Variants in DAGLA observed in about 807,000 individuals in gnomAD.
DAGLA encodes the protein diacylglycerol lipase-alpha.
Under a neutral mutation model 102.6 loss-of-function variants are expected in DAGLA, and 22 were observed. That is an observed-to-expected ratio of 0.21 (90% CI 0.15 to 0.31). The LOEUF (loss-of-function observed/expected upper bound fraction) is 0.31. Among genes scored for constraint, DAGLA ranks in the 10% least tolerant of loss-of-function variants. The probability of loss-of-function intolerance (pLI) is 1.00; values close to 1 mark genes in which losing one functional copy is unlikely to be tolerated. For missense variants in DAGLA, 927 were observed against 1,446.6 expected, an observed-to-expected ratio of 0.64 and a Z score of 5.83; for synonymous variants, 578 against 628.9, an observed-to-expected ratio of 0.92 and a Z score of 1.21.
intron 8 of DAGLA, among the ~76,000 whole-genome samples, chr11:61,729,914 A>C (rs1002343446): frequency 4.6e-5 from 7 of 151,772 alleles, no homozygotes; most frequent in African/African-American, 1.7e-4. Flanking sequence ...CTCTACAAAA[A>C]AAAAAAAAAT....
Position 61,734,748 on chromosome 11 carries a change from G to A in DAGLA, c.975-101G>A. ...AAGGGCAATTTGGTAGAGGCAGTGG[G>A]GCTGAATGCCCAACTGGAACTGGTT... On this transcript the variant is annotated intron_variant, in intron 9 of 19. Transcript: ENST00000257215. The surrounding 1 kb of genome is among the most constrained non-coding windows in gnomAD (Gnocchi z 4.2). 3.3e-6 allele frequency: 4 copies of A among 1,211,896 alleles called. No homozygotes were observed. The highest frequency in any genetic ancestry group is 3.5e-6 in the Non-Finnish European group (3 of 848,404). 75.1% of individuals were successfully genotyped at this position (1,211,896 alleles called of 1,614,324 possible).
intron 1 of DAGLA, among the ~76,000 whole-genome samples, chr11:61,694,560 G>T (rs2065048741): frequency 6.6e-6 from 1 of 152,206 alleles, no homozygotes; most frequent in African/African-American, 2.4e-5. Flanking sequence ...CTGCCTGTCA[G>T]TTGTCAGGTG....
rs750721257 is a variant in DAGLA, at chr11:61,707,762, G to A, written c.-44-12350G>A. On this transcript the variant is annotated intron_variant, in intron 1 of 19. Transcript: ENST00000257215. ...AGGAGGAAATGCCTGGGCATGGGGT[G>A]CACTCAGTGGCTGAGCAGGTGGAAA... Among the ~76,000 whole-genome samples the A allele has an allele frequency of 1.7e-3, 254 of 152,162 alleles. 12 individuals are homozygous for A. Among genetic ancestry groups the A allele is most frequent in the Non-Finnish European group, 4.1e-4 (28 of 68,030 alleles).
chr11:61,685,867 G>A (rs2135546681), intron 1 of DAGLA, among the ~76,000 whole-genome samples: 1 of 152,224 alleles, frequency 6.6e-6, no homozygotes, highest in East Asian at 1.9e-4. Context: ...CCCGTCTGTT[G>A]TGTGCTGTAG....
chr11:61,691,670 C>A (rs942214825), intron 1 of DAGLA, among the ~76,000 whole-genome samples: 7 of 152,240 alleles, frequency 4.6e-5, no homozygotes, highest in Non-Finnish European at 8.8e-5. Flanking sequence ...TTGATTTGAC[C>A]TCCTCGAGTC....
chr11:61,733,384 C>T lies in DAGLA; in HGVS notation c.975-1465C>T, dbSNP rs563920682. 6.3e-4 allele frequency among the ~76,000 whole-genome samples: 96 copies of T among 152,336 alleles called. 1 individual carries two copies. Among genetic ancestry groups the T allele is most frequent in the Non-Finnish European group, 1.2e-3 (85 of 68,032 alleles). On this transcript the variant is annotated intron_variant, in intron 9 of 19. Coordinates refer to ENST00000257215, the MANE Select transcript of DAGLA (RefSeq NM_006133.3). ...ACCATGCTCTCCCATTGTACATCGGCTTTGTCCCCCCAGCAAGCACTGTGG... is the reference window on the plus strand; with the variant it reads ...ACCATGCTCTCCCATTGTACATCGGTTTTGTCCCCCCAGCAAGCACTGTGG...
At chr11:61,742,284 C>A (rs1265197332) in intron 19 of DAGLA, among the ~76,000 whole-genome samples, 1 of 152,148 alleles carries the variant, frequency 6.6e-6, no homozygotes, top group Admixed American at 6.5e-5. Flanking sequence ...TTCACACACT[C>A]TTTGAGGGGT....
At chr11:61,718,815 G>A (rs1565255818) in intron 1 of DAGLA, among the ~76,000 whole-genome samples, 1 of 152,188 alleles carries the variant, frequency 6.6e-6, no homozygotes, top group South Asian at 2.1e-4. Context: ...ATAGGGAGGC[G>A]GGCCGGGCGG....
chr11:61,711,139 G>A (rs944276107), intron 1 of DAGLA, among the ~76,000 whole-genome samples: 1 of 152,148 alleles, frequency 6.6e-6, no homozygotes, highest in Non-Finnish European at 1.5e-5. Flanking sequence ...GAAGACCACC[G>A]GGGCAGGTAG....
At chr11:61,690,482 A>G (rs2065015048) in intron 1 of DAGLA, among the ~76,000 whole-genome samples, 1 of 152,210 alleles carries the variant, frequency 6.6e-6, no homozygotes, top group Non-Finnish European at 1.5e-5. Context: ...TCTGCTACAC[A>G]GTGCTTTATG....
intron 3 of DAGLA, among the ~76,000 whole-genome samples, chr11:61,721,883 G>T (rs2065286620): frequency 6.6e-6 from 1 of 152,268 alleles, no homozygotes; most frequent in Admixed American, 6.5e-5. Context: ...AAATGTCGGA[G>T]CTGGGATTTG....
chr11:61,691,036 T>A (rs1208700144), intron 1 of DAGLA, among the ~76,000 whole-genome samples: 2 of 44,022 alleles, frequency 4.5e-5, no homozygotes, highest in Non-Finnish European at 1.4e-4. Flanking sequence ...CAGATTGTTC[T>A]CTTTGCTGCC....
At position 61,686,093 on chromosome 11, in the gene DAGLA, C is replaced by G. The variant is rs989620654; in HGVS notation, c.-45+5589C>G. ...ACTGAGGGACAAGAGTAGGGGGTGC[C>G]CAGGTACAGAGGGCTTGAACCAGGG... On this transcript the variant is annotated intron_variant, in intron 1 of 19. Coordinates refer to ENST00000257215, the MANE Select transcript of DAGLA (RefSeq NM_006133.3). This position sits in a 1 kb window ranked among gnomAD's most constrained non-coding sequence, Gnocchi z 5.2. Among the ~76,000 whole-genome samples, 1 of 151,958 alleles carries G rather than the reference C, an allele frequency of 6.6e-6. No homozygotes were observed. The highest frequency in any genetic ancestry group is 6.6e-5 in the Admixed American group (1 of 15,258).
Position 61,703,670 on chromosome 11 carries a change from G to GA in DAGLA, c.-44-16441dup, listed in dbSNP as rs533100390. On this transcript the variant is annotated intron_variant, in intron 1 of 19. Transcript: ENST00000257215. ...GGAAATGGTGAGTGGGTAGATGGAG[G>GA]ATGGAGGAATGGATGGATGGATGGA... Among the ~76,000 whole-genome samples the GA allele has an allele frequency of 3.2e-3, 385 of 121,202 alleles. 2 individuals are homozygous for GA. The highest frequency in any genetic ancestry group is 0.011 in the African/African-American group (362 of 33,520). The allele number at this position is 121,202 out of a possible 152,430, so 79.5% of individuals were successfully genotyped here.
At chr11:61,713,147 C>T (rs1483166648) in intron 1 of DAGLA, among the ~76,000 whole-genome samples, 1 of 152,192 alleles carries the variant, frequency 6.6e-6, no homozygotes, top group Non-Finnish European at 1.5e-5. Flanking sequence ...TGCTATCCCA[C>T]ATGATTGTGA....
chr11:61,734,463 G>A lies in DAGLA; in HGVS notation c.975-386G>A, dbSNP rs2135597850. ...TGGGGCAGGCCTGGGGTGGATTCCTGAGCATGCAGATGGTGTCTAAAACAC... is the reference window on the plus strand; with the variant it reads ...TGGGGCAGGCCTGGGGTGGATTCCTAAGCATGCAGATGGTGTCTAAAACAC... On this transcript the variant is annotated intron_variant, in intron 9 of 19. Coordinates refer to ENST00000257215, the MANE Select transcript of DAGLA (RefSeq NM_006133.3). The surrounding 1 kb of genome is among the most constrained non-coding windows in gnomAD (Gnocchi z 4.2). 6.6e-6 allele frequency among the ~76,000 whole-genome samples: 1 copy of A among 152,182 alleles called. No individual in the cohort carries two copies. The highest frequency in any genetic ancestry group is 6.5e-5 in the Admixed American group (1 of 15,300).
Position 61,745,247 on chromosome 11 carries a change from T to TA in DAGLA, c.*759dup, listed in dbSNP as rs1362683624. The stretch of plus-strand genomic sequence containing the variant: ...CCTGCCTGCTGGCTACTTCCTGGCT[T>TA]ACCTTCTACCCCCAAGGATCCTCAC... On this transcript the variant is annotated 3_prime_UTR_variant, in exon 20 of 20. Transcript: ENST00000257215. The TA allele has an allele frequency of 2.0e-5, 3 of 152,620 alleles. No homozygotes were observed. Among genetic ancestry groups the TA allele is most frequent in the Non-Finnish European group, 4.4e-5 (3 of 68,444 alleles). The allele number at this position is 152,620 out of a possible 1,614,324, so 9.5% of individuals were successfully genotyped here.
rs542219071 is a variant in DAGLA at position 61,737,187 on chromosome 11, C to T, written c.1377C>T (p.Arg459=). 18 of 1,613,468 alleles carry T rather than the reference C, an allele frequency of 1.1e-5. No homozygotes were observed. Among genetic ancestry groups the T allele is most frequent in the South Asian group, 9.9e-5 (9 of 91,090 alleles). Residue 459 remains arginine (R), a synonymous_variant, in exon 14 of 20, where the codon CGC becomes CGT. Transcript: ENST00000257215. Reference sequence around the variant, plus strand: ...AGGCTTCTCTCGGTCTCCAGGGCCGCGGAACCAAACACTACGGCCTGATTG... The same window carrying T: ...AGGCTTCTCTCGGTCTCCAGGGCCGTGGAACCAAACACTACGGCCTGATTG... ...LSQAFGRDLG[R]GTKHYGLIVV...
At chr11:61,711,741 G>A (rs567149860) in intron 1 of DAGLA, among the ~76,000 whole-genome samples, 2 of 152,356 alleles carry the variant, frequency 1.3e-5, no homozygotes, top group South Asian at 2.1e-4. Context: ...GCGTGAGAAC[G>A]AGTAGCTGGA....
Sources: allele counts gnomAD v4.1 joint callset (sites outside exome capture counted in the v4.1 genomes callset), GRCh38; gene constraint gnomAD v4.1.1; non-coding constraint Gnocchi (gnomAD v3.1); transcripts MANE v1.5; gene names NCBI Gene and HGNC (gene_info 2026-07-23, HGNC 2026-07-21).